Variants in SHCBP1 observed in about 807,000 individuals in gnomAD.
SHCBP1 encodes the protein SHC SH2 domain-binding protein 1.
A neutral mutation model predicts 75.1 loss-of-function variants in SHCBP1; 60 were observed. That is an observed-to-expected ratio of 0.80 (90% CI 0.65 to 0.99). The LOEUF is 0.99. Among genes scored for constraint, SHCBP1 ranks in the 50% least tolerant of loss-of-function variants. The pLI, the probability that SHCBP1 is intolerant of heterozygous loss-of-function variation, is 0.00. For synonymous variants in SHCBP1, 290 were observed against 293.2 expected, an observed-to-expected ratio of 0.99 and a Z score of 0.11; for missense variants, 709 against 809.4, an observed-to-expected ratio of 0.88 and a Z score of 1.50.
At chr16:46,587,647 G>T (rs1184545189) in intron 10 of SHCBP1, among the ~76,000 whole-genome samples, 2 of 152,094 alleles carry the variant, frequency 1.3e-5, no homozygotes, top group Non-Finnish European at 2.9e-5. Flanking sequence ...CAATACAGGA[G>T]CACCGGATTC....
chr16:46,616,261 G>A lies in SHCBP1; in HGVS notation c.388-107C>T. 1.8e-6 allele frequency: 2 copies of A among 1,107,716 alleles called. No homozygotes were observed. The highest frequency in any genetic ancestry group is 3.0e-5 in the South Asian group (2 of 67,610). 68.6% of individuals were successfully genotyped at this position (1,107,716 alleles called of 1,614,324 possible). On this transcript the variant is annotated intron_variant, in intron 3 of 12. Transcript: ENST00000303383. The surrounding 1 kb of genome is among the most constrained non-coding windows in gnomAD (Gnocchi z 4.4). ...TTTTAAAAGCATACAACATGGGTGGGGAGGCTTTACCCATAATATAAAGGA... is the reference window on the plus strand; with the variant it reads ...TTTTAAAAGCATACAACATGGGTGGAGAGGCTTTACCCATAATATAAAGGA...
At position 46,595,690 on chromosome 16, in the gene SHCBP1, T is replaced by C; in HGVS notation, c.1346-20A>G. ...GAACAACTGGGATGAAAATACACGC[T>C]GACTGTTTTAAGAAGTAATGTGCCT... On this transcript the variant is annotated intron_variant, in intron 9 of 12. Coordinates refer to ENST00000303383, the MANE Select transcript of SHCBP1 (RefSeq NM_024745.5). 6.3e-7 allele frequency: 1 copy of C among 1,581,008 alleles called. No homozygotes were observed. The highest frequency in any genetic ancestry group is 8.7e-7 in the Non-Finnish European group (1 of 1,150,548).
At chr16:46,605,697 C>T (rs1006598769) in intron 5 of SHCBP1, among the ~76,000 whole-genome samples, 1 of 151,894 alleles carries the variant, frequency 6.6e-6, no homozygotes, top group African/African-American at 2.4e-5. Context: ...CCTGGGGATG[C>T]TAATGTGTAG....
At chr16:46,592,427 T>C (rs1471347218) in intron 10 of SHCBP1, among the ~76,000 whole-genome samples, 7 of 152,170 alleles carry the variant, frequency 4.6e-5, no homozygotes, top group African/African-American at 9.6e-5. Flanking sequence ...GAATATCCTT[T>C]TAACTATTAA....
chr16:46,595,298 T>C (rs145300978), intron 10 of SHCBP1, among the ~76,000 whole-genome samples: 8 of 4,188 alleles, frequency 1.9e-3, no homozygotes, highest in African/African-American at 2.2e-3. Flanking sequence ...ACTGTGTGAA[T>C]CTACAAAGTT....
intron 9 of SHCBP1, among the ~76,000 whole-genome samples, chr16:46,596,062 A>G (rs1965134811): frequency 6.6e-6 from 1 of 152,206 alleles, no homozygotes; most frequent in African/African-American, 2.4e-5. Flanking sequence ...CCTTGAATAC[A>G]GAGAAAACAG....
intron 3 of SHCBP1, among the ~76,000 whole-genome samples, chr16:46,617,366 C>A (rs1965516219): frequency 6.6e-6 from 1 of 152,068 alleles, no homozygotes; most frequent in Non-Finnish European, 1.5e-5. Flanking sequence ...TTTTTGAAAC[C>A]ATTAACTTCA....
At chr16:46,595,709 T>C (rs1965127537) in intron 9 of SHCBP1, 39 bp from the exon 10 acceptor site, 2 of 1,507,606 alleles carry the variant, frequency 1.3e-6, no homozygotes, top group Non-Finnish European at 9.2e-7. Context: ...TAAGAAGTAA[T>C]GTGCCTTTTC....
At chr16:46,618,769 G>A (rs1163183608) in intron 1 of SHCBP1, among the ~76,000 whole-genome samples, 37 of 152,142 alleles carry the variant, frequency 2.4e-4, no homozygotes, top group Admixed American at 2.4e-3. Flanking sequence ...AGCCTCCTGA[G>A]TAACTAGGAC....
chr16:46,605,515 G>C (rs1318055373), intron 5 of SHCBP1, among the ~76,000 whole-genome samples: 1 of 152,136 alleles, frequency 6.6e-6, no homozygotes, highest in East Asian at 1.9e-4. Flanking sequence ...TTGAGCCCCA[G>C]GGGTCAAGGC....
chr16:46,583,898 A>G, intron 11 of SHCBP1, 105 bp downstream of exon 11: 7 of 1,060,348 alleles, frequency 6.6e-6, no homozygotes, highest in Non-Finnish European at 9.7e-6. Flanking sequence ...TACACTGTTT[A>G]TGCTTTTCAA....
chr16:46,582,536 C>T (rs2142997099), intron 12 of SHCBP1, among the ~76,000 whole-genome samples: 1 of 152,346 alleles, frequency 6.6e-6, no homozygotes, highest in East Asian at 1.9e-4. Context: ...GAGGGATGTT[C>T]TCTGTTGCTG....
At chr16:46,607,962 C>T (rs182004173) in intron 5 of SHCBP1, among the ~76,000 whole-genome samples, 3 of 152,202 alleles carry the variant, frequency 2.0e-5, no homozygotes, top group African/African-American at 7.2e-5. Flanking sequence ...TCTTAACCCA[C>T]TAGTTCAATG....
intron 9 of SHCBP1, among the ~76,000 whole-genome samples, chr16:46,599,627 G>A (rs903308656): frequency 1.0e-4 from 12 of 117,608 alleles, no homozygotes; most frequent in African/African-American, 2.6e-4. Flanking sequence ...AAATGGTGCC[G>A]ACAGACTGGC....
chr16:46,600,051 G>C (rs1276613252), intron 8 of SHCBP1, 89 bp from the exon 9 acceptor site: 2 of 1,406,230 alleles, frequency 1.4e-6, no homozygotes, highest in South Asian at 2.6e-5. Flanking sequence ...TAGTTTAAAT[G>C]ACTGCAGATG....
At chr16:46,587,824 T>C (rs891698583) in intron 10 of SHCBP1, among the ~76,000 whole-genome samples, 1 of 152,154 alleles carries the variant, frequency 6.6e-6, no homozygotes, top group East Asian at 1.9e-4. Flanking sequence ...CTAATAGACA[T>C]CTACAGAACT....
intron 4 of SHCBP1, among the ~76,000 whole-genome samples, chr16:46,613,784 G>A (rs1965454537): frequency 6.6e-6 from 1 of 152,156 alleles, no homozygotes. Context: ...ATGATGGTGT[G>A]TCTCATGCAC....
intron 10 of SHCBP1, among the ~76,000 whole-genome samples, chr16:46,591,835 TCAA>T (rs1965052373): frequency 6.6e-6 from 1 of 151,998 alleles, no homozygotes; most frequent in South Asian, 2.1e-4. Context: ...AAACTGGAAT[TCAA>T]CAACAGAAAG....
At chr16:46,619,440 A>G (rs1965552481) in intron 1 of SHCBP1, among the ~76,000 whole-genome samples, 4 of 152,118 alleles carry the variant, frequency 2.6e-5, no homozygotes, top group Non-Finnish European at 4.4e-5. Flanking sequence ...ACAGATGACC[A>G]AAGTGTACTC....
Sources: gnomAD v4.1 joint callset for allele counts (sites outside exome capture counted in the v4.1 genomes callset) on GRCh38, gnomAD v4.1.1 for gene constraint, Gnocchi (gnomAD v3.1) non-coding constraint, MANE v1.5 for transcripts, NCBI Gene and HGNC (gene_info 2026-07-23, HGNC 2026-07-21) for gene names.